Variants in PLAC1 observed in about 807,000 individuals in gnomAD.
PLAC1 encodes the protein placenta associated 1, also known as placenta-specific protein 1.
For synonymous variants in PLAC1, 68 were observed against 62.1 expected, an observed-to-expected ratio of 1.09 and a Z score of -0.44; for missense variants, 136 against 163.2, an observed-to-expected ratio of 0.83 and a Z score of 0.91.
intron 1 of PLAC1, among the ~76,000 whole-genome samples, chrX:134,737,633 G>T (rs1180627082): frequency 1.8e-5 from 2 of 112,219 alleles, no homozygotes; most frequent in African/African-American, 6.5e-5. Flanking sequence ...CCCTAATTGG[G>T]AGCACCACTG....
intron 2 of PLAC1, among the ~76,000 whole-genome samples, chrX:134,732,134 G>T (rs773207668): frequency 3.8e-5 from 4 of 105,524 alleles, no homozygotes; most frequent in African/African-American, 1.4e-4. Flanking sequence ...GTGGGGGCTG[G>T]TGTGTACATC....
Position 134,565,923 on chromosome X carries a change from A to G in PLAC1, c.*121T>C. 1 of 512,010 alleles carries G rather than the reference A, an allele frequency of 2.0e-6. No homozygotes were observed. The highest frequency in any genetic ancestry group is 3.3e-6 in the Non-Finnish European group (1 of 307,587). 42.2% of individuals were successfully genotyped at this position (512,010 alleles called of 1,213,427 possible). A position where few individuals can be genotyped will look rare whatever the true frequency, so the allele number is the denominator to read the frequency against. ...AAAAGGCTTAATTCATGAAGTTGCT[A>G]TAGGTTTCTCTTTCTCAAAAGTGCT... is the stretch of plus-strand genomic sequence containing the variant. On this transcript the variant is annotated 3_prime_UTR_variant, in exon 3 of 3. Coordinates refer to ENST00000359237, the MANE Select transcript of PLAC1 (RefSeq NM_021796.4).
At chrX:134,645,183 C>T (rs1172633175) in intron 1 of PLAC1, among the ~76,000 whole-genome samples, 2 of 110,571 alleles carry the variant, frequency 1.8e-5, no homozygotes, top group African/African-American at 6.8e-5. Context: ...TTTAATTCAG[C>T]GCCTCGTATT....
chrX:134,755,451 C>A (rs1052749943), intron 1 of PLAC1, among the ~76,000 whole-genome samples: 1 of 112,016 alleles, frequency 8.9e-6, no homozygotes, highest in Non-Finnish European at 1.9e-5. Flanking sequence ...GTATGGAAGA[C>A]AGACATTAAA....
chrX:134,640,935 G>A (rs757312242), intron 1 of PLAC1, among the ~76,000 whole-genome samples: 3 of 111,852 alleles, frequency 2.7e-5, no homozygotes, highest in Non-Finnish European at 3.8e-5. Context: ...AACGTAGTGA[G>A]ACCCTGTCTC....
chrX:134,755,082 T>G (rs1439287230), intron 1 of PLAC1, among the ~76,000 whole-genome samples: 1 of 111,692 alleles, frequency 9.0e-6, no homozygotes, highest in Non-Finnish European at 1.9e-5. Flanking sequence ...AGGCACACAT[T>G]TTATGAGCAT....
At chrX:134,585,472 G>A (rs770385853) in intron 2 of PLAC1, among the ~76,000 whole-genome samples, 1 of 111,529 alleles carries the variant, frequency 9.0e-6, no homozygotes, top group South Asian at 3.8e-4. Context: ...GACTTAGCAA[G>A]CTTTTGTTTT....
intron 2 of PLAC1, among the ~76,000 whole-genome samples, chrX:134,596,574 C>CAGTT (rs2078063099): frequency 8.9e-6 from 1 of 111,820 alleles, no homozygotes; most frequent in African/African-American, 3.2e-5. Flanking sequence ...AATTGTTTAT[C>CAGTT]AGTTTCTCTG....
chrX:134,571,302 CA>C (rs1186725479), intron 2 of PLAC1, among the ~76,000 whole-genome samples: 2 of 111,867 alleles, frequency 1.8e-5, no homozygotes, highest in African/African-American at 6.5e-5. Context: ...ATACATGTAA[CA>C]ATGATCTATG....
chrX:134,750,343 T>C (rs1270437151), intron 1 of PLAC1, among the ~76,000 whole-genome samples: 1 of 110,894 alleles, frequency 9.0e-6, no homozygotes, highest in Admixed American at 9.7e-5. Context: ...TTGTTCCTGA[T>C]ATACCGTATG....
chrX:134,628,969 T>C (rs745771187), intron 1 of PLAC1, among the ~76,000 whole-genome samples: 1 of 112,169 alleles, frequency 8.9e-6, no homozygotes, highest in South Asian at 3.7e-4. Context: ...TGGTTCAAGT[T>C]GAAATTAGCT....
intron 1 of PLAC1, among the ~76,000 whole-genome samples, chrX:134,751,970 A>G (rs1028837589): frequency 1.8e-5 from 2 of 112,302 alleles, no homozygotes; most frequent in African/African-American, 6.5e-5. Context: ...TTTCCAACCC[A>G]GTTAATTCCT....
At chrX:134,754,758 C>CTT (rs760098539) in intron 1 of PLAC1, among the ~76,000 whole-genome samples, 1,368 of 66,039 alleles carry the variant, frequency 0.021, 47 homozygotes, top group Admixed American at 0.043. Context: ...ATTTATTGTT[C>CTT]TTTTTTTTTT....
chrX:134,736,914 T>C (rs906437870), intron 1 of PLAC1, among the ~76,000 whole-genome samples: 3 of 112,350 alleles, frequency 2.7e-5, no homozygotes, highest in Admixed American at 9.4e-5. Context: ...CATGCCTCTG[T>C]TTTCAGAACT....
intron 2 of PLAC1, 130 bp from the exon 3 acceptor site, chrX:134,566,870 C>T (rs2077879332): frequency 2.4e-6 from 1 of 412,894 alleles, no homozygotes; most frequent in Non-Finnish European, 4.2e-6. Flanking sequence ...TGAGAGAGAA[C>T]TGAACTTTAA....
At chrX:134,625,402 C>G (rs1343122862) in intron 1 of PLAC1, among the ~76,000 whole-genome samples, 2 of 112,324 alleles carry the variant, frequency 1.8e-5, no homozygotes, top group Admixed American at 9.4e-5. Context: ...TTGGTCATTA[C>G]CATTTCATGG....
At chrX:134,738,600 G>A (rs148276082) in intron 1 of PLAC1, among the ~76,000 whole-genome samples, 6 of 112,123 alleles carry the variant, frequency 5.4e-5, no homozygotes, top group Non-Finnish European at 1.1e-4. Flanking sequence ...CAAACTGTCC[G>A]GGTGACCAGA....
chrX:134,745,103 G>T (rs772890557), intron 1 of PLAC1, among the ~76,000 whole-genome samples: 1 of 111,405 alleles, frequency 9.0e-6, no homozygotes, highest in Non-Finnish European at 1.9e-5. Context: ...CTGTAGCCCT[G>T]GTTCCTTTTC....
At chrX:134,680,062 G>C (rs779782080) in intron 2 of PLAC1, among the ~76,000 whole-genome samples, 19 of 111,781 alleles carry the variant, frequency 1.7e-4, no homozygotes, top group Non-Finnish European at 1.5e-4. Flanking sequence ...TTGTAGGACA[G>C]CTCCAGTTTC....
Sources: allele counts gnomAD v4.1 joint callset (sites outside exome capture counted in the v4.1 genomes callset), GRCh38; gene constraint gnomAD v4.1.1; transcripts MANE v1.5; gene names NCBI Gene and HGNC (gene_info 2026-07-23, HGNC 2026-07-21).